GBF1: variants seen among roughly 807,000 people sequenced by gnomAD.
GBF1 encodes golgi brefeldin A resistant guanine nucleotide exchange factor 1.
In GBF1, 114 loss-of-function variants were observed where a neutral mutation model predicts 210.5. The ratio of observed to expected loss-of-function variants is 0.54; its 90% CI spans 0.47 to 0.63. The LOEUF (loss-of-function observed/expected upper bound fraction) is 0.63, where lower values mean the gene tolerates loss of function less well. Ranked by LOEUF, GBF1 falls within the 30% of genes least tolerant of loss-of-function variation. The pLI is 0.00. For synonymous variants in GBF1, 850 were observed against 889.2 expected (o/e 0.96, Z 0.78); for missense variants, 1,851 against 2,357.7 (o/e 0.79, Z 4.45).
Position 102,368,316 on chromosome 10 carries a change from T to G in GBF1, c.2741T>G (p.Ile914Arg), listed in dbSNP as rs1227655778. The G allele has an allele frequency of 6.2e-7, 1 of 1,613,828 alleles. No homozygotes were observed. The highest frequency in any genetic ancestry group is 1.7e-5 in the Admixed American group (1 of 60,026). Residue 914 changes from isoleucine to arginine, a missense_variant, in exon 22 of 40, where the codon ATA becomes AGA. Physicochemically the swap from Ile to Arg is moderately conservative, Grantham distance 97. Coordinates refer to ENST00000369983, the MANE Select transcript of GBF1 (RefSeq NM_001377137.1). The part of the protein sequence containing the change: ...LLHRGATPEG[I>R]FLRVPTASYD... ...CATCGAGGTGCCACCCCTGAGGGCA[T>G]ATTCCTGCGTGTGCCTACTGCCAGC...
intron 3 of GBF1, among the ~76,000 whole-genome samples, chr10:102,289,902 G>A (rs1303432851): frequency 6.6e-6 from 1 of 152,100 alleles, no homozygotes. Context: ...TTGAGCACAG[G>A]AGCTCAAGAC....
rs1589793720 is a variant in GBF1, at chr10:102,365,586, G to C, written c.2296G>C (p.Glu766Gln). The change falls in exon 18 of 40, where the codon GAG becomes CAG. Residue 766 changes from glutamate to glutamine, a missense_variant. Physicochemically the swap from Glu to Gln is conservative, Grantham distance 29. This residue lies in a region of GBF1 where 804 missense variants were observed against 958.6 expected (regional missense o/e 0.84). Transcript: ENST00000369983. ...VSDRKNIDLL[E>Q]SFVSTFSFQG... ...TGACCGCAAAAACATTGACCTGTTG[G>C]AGAGCTTTGTGAGGTGAGGAAGCTG... 8.7e-6 allele frequency: 14 copies of C among 1,614,006 alleles called. No individual in the cohort carries two copies. Among genetic ancestry groups the C allele is most frequent in the Non-Finnish European group, 1.2e-5 (14 of 1,179,912 alleles).
intron 29 of GBF1, among the ~76,000 whole-genome samples, chr10:102,374,772 T>A (rs1326439422): frequency 3.3e-5 from 5 of 152,212 alleles, no homozygotes; most frequent in Non-Finnish European, 7.3e-5. Context: ...TATACTATAG[T>A]TTTGCATAAT....
intron 3 of GBF1, among the ~76,000 whole-genome samples, chr10:102,341,212 ATAAT>A (rs2058160300): frequency 6.6e-6 from 1 of 152,242 alleles, no homozygotes; most frequent in African/African-American, 2.4e-5. Flanking sequence ...GATGTTCAAC[ATAAT>A]TAGTCATTAG....
At chr10:102,263,821 T>C (rs2073528034) in intron 3 of GBF1, among the ~76,000 whole-genome samples, 1 of 152,172 alleles carries the variant, frequency 6.6e-6, no homozygotes, top group Non-Finnish European at 1.5e-5. Context: ...GGGTTGCTCT[T>C]GGAAGAAAAA....
At chr10:102,286,233 T>C (rs1259964186) in intron 3 of GBF1, among the ~76,000 whole-genome samples, 1 of 151,164 alleles carries the variant, frequency 6.6e-6, no homozygotes, top group Admixed American at 6.6e-5. Flanking sequence ...TTTCTTTCTC[T>C]TCTCCTAATG....
At chr10:102,270,225 A>G (rs907704714) in intron 3 of GBF1, among the ~76,000 whole-genome samples, 4 of 149,766 alleles carry the variant, frequency 2.7e-5, no homozygotes, top group Admixed American at 6.7e-5. Context: ...GCTGGAGTGT[A>G]GTGGCGCAAT....
intron 3 of GBF1, among the ~76,000 whole-genome samples, chr10:102,332,108 C>T (rs569127691): frequency 6.6e-6 from 1 of 152,202 alleles, no homozygotes; most frequent in South Asian, 2.1e-4. Context: ...GATCTACCCG[C>T]CTCCGCCTCC....
chr10:102,262,479 C>G (rs558867372), intron 3 of GBF1, among the ~76,000 whole-genome samples: 70 of 152,224 alleles, frequency 4.6e-4, no homozygotes, highest in East Asian at 5.8e-4. Context: ...GAGGATCAAA[C>G]AAGTTAATAT....
intron 17 of GBF1, 49 bp from the exon 18 acceptor site, chr10:102,365,348 C>A: frequency 6.8e-7 from 1 of 1,473,342 alleles, no homozygotes; most frequent in South Asian, 1.2e-5. Context: ...CTGGCCTTGT[C>A]TAATTTAGAG....
intron 27 of GBF1, 44 bp downstream of exon 27, chr10:102,370,289 G>C (rs774560840): frequency 6.6e-7 from 1 of 1,504,896 alleles, no homozygotes; most frequent in African/African-American, 1.4e-5. Flanking sequence ...GGCTGAATCT[G>C]GGAGGGGTGA....
At chr10:102,252,448 T>C (rs1048205314) in intron 1 of GBF1, among the ~76,000 whole-genome samples, 3 of 152,084 alleles carry the variant, frequency 2.0e-5, no homozygotes, top group Admixed American at 1.3e-4. Context: ...TTGGATGGAA[T>C]GAGTAAGGGT....
chr10:102,303,609 C>T (rs924188283), intron 3 of GBF1, among the ~76,000 whole-genome samples: 1 of 152,184 alleles, frequency 6.6e-6, no homozygotes, highest in African/African-American at 2.4e-5. Flanking sequence ...TTAAGGATTA[C>T]AGTGTCTGTA....
At chr10:102,271,775 A>G (rs2074448561) in intron 3 of GBF1, among the ~76,000 whole-genome samples, 1 of 151,978 alleles carries the variant, frequency 6.6e-6, no homozygotes, top group African/African-American at 2.4e-5. Context: ...TTTTTGAGAC[A>G]GAGTCCTGCT....
chr10:102,293,230 A>T (rs930914119), intron 3 of GBF1, among the ~76,000 whole-genome samples: 4 of 152,168 alleles, frequency 2.6e-5, no homozygotes, highest in African/African-American at 9.7e-5. Context: ...GAGGTAAAAA[A>T]ATTCCTATCA....
At chr10:102,270,253 T>C (rs528452278) in intron 3 of GBF1, among the ~76,000 whole-genome samples, 1 of 151,356 alleles carries the variant, frequency 6.6e-6, no homozygotes, top group East Asian at 2.0e-4. Context: ...CACTGCAACC[T>C]CCGCCTCCTG....
chr10:102,293,764 G>GTTTTTTTTTTTTTTTTTTTTTTTTTTTT lies in GBF1; in HGVS notation c.163+33652_163+33653insTTTTTTTTTTTTTTTTTTTTTTTTTTTT, dbSNP rs1263151407. Among the ~76,000 whole-genome samples, 32 of 50,894 alleles carry GTTTTTTTTTTTTTTTTTTTTTTTTTTTT rather than the reference G, an allele frequency of 6.3e-4. 12 individuals carry two copies. Among genetic ancestry groups the GTTTTTTTTTTTTTTTTTTTTTTTTTTTT allele is most frequent in the South Asian group, 9.8e-4 (1 of 1,020 alleles). 33.4% of individuals were successfully genotyped at this position (50,894 alleles called of 152,430 possible). A position where few individuals can be genotyped will look rare whatever the true frequency, so the allele number is the denominator to read the frequency against. On this transcript the variant is annotated intron_variant, in intron 3 of 39. Transcript: ENST00000369983. ...AAAATATTTTGTACAGCTGTAGTAT[G>GTTTTTTTTTTTTTTTTTTTTTTTTTTTT]TTTTGTGTTTTTTTTTTTTTTTTTT...
At chr10:102,279,769 T>C (rs1020150822) in intron 3 of GBF1, among the ~76,000 whole-genome samples, 26 of 152,138 alleles carry the variant, frequency 1.7e-4, no homozygotes, top group African/African-American at 6.3e-4. Context: ...GCTAATGATA[T>C]GATAATTATG....
In GBF1 at chr10:102,379,621, T is replaced by C; in HGVS notation, c.4746T>C (p.Asp1582=). The change falls in exon 35 of 40, where the codon GAT becomes GAC. Residue 1582 remains aspartate (D), a synonymous_variant. Transcript: ENST00000369983. ...TTGTACATGATCTGCAAAAGCTAGA[T>C]GCCCTGGAATGGGAGTCCTGTTTTA... ...ALLVHDLQKL[D]ALEWESCFNK... is the part of the protein sequence containing the mutation. The C allele has an allele frequency of 6.2e-7, 1 of 1,614,110 alleles. No homozygotes were observed. Among genetic ancestry groups the C allele is most frequent in the East Asian group, 2.2e-5 (1 of 44,888 alleles).
Sources: gnomAD v4.1 joint callset for allele counts (sites outside exome capture counted in the v4.1 genomes callset) on GRCh38, gnomAD v4.1.1 for gene constraint, gnomAD v4.1.1 regional missense constraint, MANE v1.5 for transcripts, NCBI Gene and HGNC (gene_info 2026-07-23, HGNC 2026-07-21) for gene names.